ZFAT: variants seen among roughly 807,000 people sequenced by gnomAD.
ZFAT encodes zinc finger and AT-hook domain containing.
A neutral mutation model predicts 117.7 loss-of-function variants in ZFAT; 64 were observed. That is an observed-to-expected ratio of 0.54 (90% CI 0.44 to 0.67). The LOEUF (loss-of-function observed/expected upper bound fraction) is 0.67. Ranked by LOEUF, ZFAT falls within the 30% of genes least tolerant of loss-of-function variation. The probability of loss-of-function intolerance (pLI) is 0.00; values close to 1 mark genes in which losing one functional copy is unlikely to be tolerated. For missense variants in ZFAT, 1,433 were observed against 1,584.5 expected, an observed-to-expected ratio of 0.90 and a Z score of 1.62; for synonymous variants, 679 against 615.0, an observed-to-expected ratio of 1.10 and a Z score of -1.54.
intron 1 of ZFAT, chr8:134,696,460 G>A (rs1434780381): frequency 4.1e-6 from 4 of 985,596 alleles, no homozygotes; most frequent in Non-Finnish European, 4.8e-6. Flanking sequence ...GGCAGAGTAG[G>A]AGGGATGCTG....
intron 5 of ZFAT, among the ~76,000 whole-genome samples, chr8:134,607,324 T>C (rs376170722): frequency 6.6e-6 from 1 of 152,226 alleles, no homozygotes; most frequent in Non-Finnish European, 1.5e-5. Context: ...TTTACAAGAA[T>C]AGAGGATTGA....
At chr8:134,637,171 A>G (rs1371440255) in intron 3 of ZFAT, among the ~76,000 whole-genome samples, 1 of 152,238 alleles carries the variant, frequency 6.6e-6, no homozygotes, top group Non-Finnish European at 1.5e-5. Flanking sequence ...CCAGAACATA[A>G]GCTCAGCAAA....
chr8:134,532,814 C>A lies in ZFAT; in HGVS notation c.3115+20G>T. On this transcript the variant is annotated intron_variant, in intron 12 of 15. Coordinates refer to ENST00000377838, the MANE Select transcript of ZFAT (RefSeq NM_020863.4). The stretch of plus-strand genomic sequence containing the variant: ...TAAAAGGAAGCGGGCAGGGCCCCAG[C>A]TCGCTGGCCCCTCGCCTACCTTGCT... The A allele has an allele frequency of 1.2e-6, 2 of 1,607,714 alleles. No homozygotes were observed. Among genetic ancestry groups the A allele is most frequent in the Non-Finnish European group, 1.7e-6 (2 of 1,178,092 alleles).
At chr8:134,817,394 T>TCTCC in the ZFAT span, among the ~76,000 whole-genome samples, 9 of 125,980 alleles carry the variant, frequency 7.1e-5, no homozygotes, top group African/African-American at 2.4e-4. Flanking sequence ...TCTCTCTCTC[T>TCTCC]ACACACACAC....
chr8:134,827,309 T>C, the ZFAT span, among the ~76,000 whole-genome samples: 12 of 152,002 alleles, frequency 7.9e-5, no homozygotes, highest in Non-Finnish European at 7.4e-5. Flanking sequence ...CCTCCCAAAG[T>C]GCTGGGATTA....
intron 11 of ZFAT, among the ~76,000 whole-genome samples, chr8:134,533,369 T>C (rs1563817157): frequency 6.6e-6 from 1 of 152,206 alleles, no homozygotes; most frequent in East Asian, 1.9e-4. Context: ...CAGTCAGGTG[T>C]CACATAATGA....
chr8:134,712,911 C>T lies in ZFAT; in HGVS notation c.-48G>A. The T allele has an allele frequency of 1.4e-6, 2 of 1,456,478 alleles. No individual in the cohort carries two copies. The highest frequency in any genetic ancestry group is 9.1e-7 in the Non-Finnish European group (1 of 1,101,214). The allele number at this position is 1,456,478 out of a possible 1,614,324, so 90.2% of individuals were successfully genotyped here. On this transcript the variant is annotated 5_prime_UTR_variant, in exon 1 of 16. Coordinates refer to ENST00000377838, the MANE Select transcript of ZFAT (RefSeq NM_020863.4). Reference sequence around the variant, plus strand: ...AAAAAAAGCCTCGGGCTCTTCCGGGCCCCCTCCCGTGCCGACCGAGGGGGC... The same window carrying T: ...AAAAAAAGCCTCGGGCTCTTCCGGGTCCCCTCCCGTGCCGACCGAGGGGGC...
intron 7 of ZFAT, chr8:134,594,825 T>C (rs1826806016): frequency 6.6e-6 from 1 of 152,218 alleles, no homozygotes; most frequent in Non-Finnish European, 1.5e-5. Context: ...AAGCTCAGAC[T>C]GTAACTGCTA....
rs568455422 is a variant in ZFAT at position 134,561,945 on chromosome 8, C to T, written c.2976+3388G>A. ...AGTCCATGTCCTAATCCCCGGAACCCGTAAATATGTTACCTTGCATGGCAA... is the reference window on the plus strand; with the variant it reads ...AGTCCATGTCCTAATCCCCGGAACCTGTAAATATGTTACCTTGCATGGCAA... On this transcript the variant is annotated intron_variant, in intron 11 of 15. Transcript: ENST00000377838. Among the ~76,000 whole-genome samples the T allele has an allele frequency of 5.3e-5, 8 of 152,184 alleles. No individual in the cohort carries two copies. The South Asian group carries it at 6.2e-4, about 12-fold the overall frequency.
chr8:134,570,214 AC>A lies in ZFAT; in HGVS notation c.2888-4794del, dbSNP rs137979209. 4.4e-3 allele frequency among the ~76,000 whole-genome samples: 666 copies of A among 152,066 alleles called. 4 individuals are homozygous for A. Among genetic ancestry groups the A allele is most frequent in the African/African-American group, 0.015 (619 of 41,456 alleles). ...TCCCTCAAGTCTCTGTTCAAATGTCACCTTCACACTGAGTCCTTTCAGACCA... is the reference window on the plus strand; with the variant it reads ...TCCCTCAAGTCTCTGTTCAAATGTCACTTCACACTGAGTCCTTTCAGACCA... On this transcript the variant is annotated intron_variant, in intron 10 of 15. Transcript: ENST00000377838.
chr8:134,527,628 G>T (rs1331348913), intron 12 of ZFAT, among the ~76,000 whole-genome samples: 1 of 152,236 alleles, frequency 6.6e-6, no homozygotes, highest in Non-Finnish European at 1.5e-5. Flanking sequence ...CAAGCACTGA[G>T]GTGGAGGGTT....
chr8:134,689,774 C>T (rs573291075), intron 1 of ZFAT, among the ~76,000 whole-genome samples: 79 of 152,318 alleles, frequency 5.2e-4, no homozygotes, highest in East Asian at 1.2e-3. Flanking sequence ...CTGGAGGACA[C>T]GGACAGATGC....
chr8:134,822,674 T>C, the ZFAT span, among the ~76,000 whole-genome samples: 52 of 152,222 alleles, frequency 3.4e-4, no homozygotes, highest in African/African-American at 1.2e-3. Flanking sequence ...AAATATACTT[T>C]TATAAAGAAT....
chr8:134,554,157 C>T (rs1823394417), intron 11 of ZFAT, among the ~76,000 whole-genome samples: 1 of 152,230 alleles, frequency 6.6e-6, no homozygotes, highest in Non-Finnish European at 1.5e-5. Flanking sequence ...CTCCTTGCTC[C>T]TGACTCCCAG....
At chr8:134,517,177 C>A (rs530928968) in intron 13 of ZFAT, among the ~76,000 whole-genome samples, 1 of 152,254 alleles carries the variant, frequency 6.6e-6, no homozygotes, top group African/African-American at 2.4e-5. Context: ...TGTTCCTCTC[C>A]ACGTAGTCAC....
intron 1 of ZFAT, among the ~76,000 whole-genome samples, chr8:134,697,455 C>T (rs1262402287): frequency 7.6e-5 from 11 of 144,744 alleles, no homozygotes; most frequent in Non-Finnish European, 1.2e-4. Context: ...CAGCCTGGCG[C>T]GGTGGCTCAC....
intron 7 of ZFAT, among the ~76,000 whole-genome samples, chr8:134,591,690 A>T (rs1291926307): frequency 6.6e-6 from 1 of 152,190 alleles, no homozygotes; most frequent in Non-Finnish European, 1.5e-5. Context: ...AAAAAGAGGA[A>T]ATTTGAACAC....
chr8:134,774,672 C>T, the ZFAT span, among the ~76,000 whole-genome samples: 1 of 152,180 alleles, frequency 6.6e-6, no homozygotes, highest in African/African-American at 2.4e-5. Context: ...AAAAACTTGA[C>T]CTTCTTTATT....
intron 10 of ZFAT, among the ~76,000 whole-genome samples, chr8:134,570,815 G>A (rs1824838982): frequency 6.6e-6 from 1 of 152,194 alleles, no homozygotes. Context: ...AGAGACTCTA[G>A]CTGAGCCAGG....
Sources: gnomAD v4.1 joint callset for allele counts (sites outside exome capture counted in the v4.1 genomes callset) on GRCh38, gnomAD v4.1.1 for gene constraint, MANE v1.5 for transcripts, NCBI Gene and HGNC (gene_info 2026-07-23, HGNC 2026-07-21) for gene names.